Variants in FLT4 observed in about 807,000 individuals in gnomAD.
FLT4 encodes the protein fms related receptor tyrosine kinase 4.
A neutral mutation model predicts 163.2 loss-of-function variants in FLT4; 30 were observed. The observed-to-expected ratio is 0.18, with a 90% CI of 0.14 to 0.25. The LOEUF (loss-of-function observed/expected upper bound fraction) is 0.25, where lower values mean the gene tolerates loss of function less well. FLT4 is among the 10% of genes least tolerant of loss of function. FLT4 has a pLI of 1.00. For synonymous variants in FLT4, 884 were observed against 789.5 expected (o/e 1.12, Z -2.01); for missense variants, 1,510 against 1,863.8 (o/e 0.81, Z 3.50).
rs371428489 is a variant in FLT4 at position 180,628,850 on chromosome 5, C to T, written c.1103+32G>A. ...TTTGCCCCTGGACTTGGAAGGGTAT[C>T]GGCGGGGTCGGTGGGGAGCCAGGGC... On this transcript the variant is annotated intron_variant, in intron 8 of 29. Coordinates refer to ENST00000261937, the MANE Select transcript of FLT4 (RefSeq NM_182925.5). The T allele has an allele frequency of 1.9e-4, 273 of 1,433,188 alleles. No homozygotes were observed. The African/African-American group carries it at 2.3e-3, about 12-fold the overall frequency. 88.8% of individuals were successfully genotyped at this position (1,433,188 alleles called of 1,614,324 possible).
intron 1 of FLT4, among the ~76,000 whole-genome samples, chr5:180,640,203 G>A (rs970480701): frequency 2.0e-5 from 3 of 152,168 alleles, no homozygotes; most frequent in African/African-American, 7.2e-5. Context: ...AGCAGCGAGC[G>A]AGGTGGGGGG....
intron 18 of FLT4, 60 bp from the exon 19 acceptor site, chr5:180,619,426 C>CTGACCGCTTAGCTAAGGCACAG: frequency 7.2e-7 from 1 of 1,390,148 alleles, no homozygotes; most frequent in Non-Finnish European, 1.0e-6. Context: ...TTCCCCGCCA[C>CTGACCGCTTAGCTAAGGCACAG]CCGGCGCTTT....
chr5:180,604,173 G>A (rs1168290793), intron 29 of FLT4, among the ~76,000 whole-genome samples: 1 of 152,076 alleles, frequency 6.6e-6, no homozygotes, highest in Non-Finnish European at 1.5e-5. Flanking sequence ...CTGGAGCTCT[G>A]TCCCTACCTA....
In FLT4 at chr5:180,620,429, G is replaced by A. The variant is rs562745219; in HGVS notation, c.2407-121C>T. On this transcript the variant is annotated intron_variant, in intron 16 of 29. Coordinates refer to ENST00000261937, the MANE Select transcript of FLT4 (RefSeq NM_182925.5). This position sits in a 1 kb window ranked among gnomAD's most constrained non-coding sequence, Gnocchi z 4.4. ...CTGCGGGGTTCTCAGTCAAGGAGGG[G>A]ACAGAAAAAAAGACAGACAACCTCT... 84 of 1,385,234 alleles carry A rather than the reference G, an allele frequency of 6.1e-5. No individual in the cohort carries two copies. Among genetic ancestry groups the A allele is most frequent in the Non-Finnish European group, 8.1e-5 (80 of 984,172 alleles). The allele number at this position is 1,385,234 out of a possible 1,614,324, so 85.8% of individuals were successfully genotyped here.
chr5:180,627,749 C>T (rs1561733258), intron 8 of FLT4, among the ~76,000 whole-genome samples: 3 of 152,144 alleles, frequency 2.0e-5, no homozygotes, highest in African/African-American at 7.2e-5. Context: ...GCCACCTGCC[C>T]AGAGCAGGCT....
In FLT4 at chr5:180,620,095, G is replaced by C. The variant is rs1581644841; in HGVS notation, c.2542+78C>G. On this transcript the variant is annotated intron_variant, in intron 17 of 29. Transcript: ENST00000261937. The surrounding 1 kb of genome is among the most constrained non-coding windows in gnomAD (Gnocchi z 4.4). ...CTTCCTGGTGCAAGTTTTGAAAATG[G>C]AGGGATTCAGGCACTCCGGCCTGCA... The C allele has an allele frequency of 6.6e-6, 10 of 1,524,874 alleles. No homozygotes were observed. In the Admixed American group the frequency reaches 9.1e-5, roughly 14 times the overall value. The allele number at this position is 1,524,874 out of a possible 1,614,324, so 94.5% of individuals were successfully genotyped here. A position where few individuals can be genotyped will look rare whatever the true frequency, so the allele number is the denominator to read the frequency against.
At chr5:180,605,702 C>T (rs1226740829) in intron 29 of FLT4, among the ~76,000 whole-genome samples, 3 of 152,218 alleles carry the variant, frequency 2.0e-5, no homozygotes, top group East Asian at 3.9e-4. Context: ...TCATACACGT[C>T]CCGTATCATC....
At chr5:180,613,942 C>T (rs1366862558) in intron 24 of FLT4, 126 bp downstream of exon 24, 2 of 756,974 alleles carry the variant, frequency 2.6e-6, no homozygotes, top group South Asian at 1.4e-5. Context: ...CCACAAACCA[C>T]CTGCTTCAGA....
intron 1 of FLT4, among the ~76,000 whole-genome samples, chr5:180,637,905 T>C (rs1764808590): frequency 6.6e-6 from 1 of 152,060 alleles, no homozygotes; most frequent in African/African-American, 2.4e-5. Context: ...CCTTTTCCTA[T>C]CCCCCTTCAT....
intron 23 of FLT4, among the ~76,000 whole-genome samples, chr5:180,614,563 C>T (rs1762487523): frequency 1.3e-5 from 2 of 152,104 alleles, no homozygotes; most frequent in Admixed American, 1.3e-4. Flanking sequence ...GCTCTGTCCA[C>T]TCACTGTCCC....
At chr5:180,608,298 G>A (rs901931706) in intron 29 of FLT4, 1 of 700,814 alleles carries the variant, frequency 1.4e-6, no homozygotes, top group Non-Finnish European at 2.6e-6. Flanking sequence ...AGAGGGAAGG[G>A]CCCCGTCCCA....
intron 29 of FLT4, among the ~76,000 whole-genome samples, chr5:180,607,298 G>C (rs2127785455): frequency 6.6e-6 from 1 of 152,284 alleles, no homozygotes; most frequent in East Asian, 1.9e-4. Context: ...GGATCACCCA[G>C]GTGCTGAGGC....
chr5:180,608,771 C>T lies in FLT4; in HGVS notation c.3893+197G>A, dbSNP rs148260607. On this transcript the variant is annotated intron_variant, in intron 29 of 29. Coordinates refer to ENST00000261937, the MANE Select transcript of FLT4 (RefSeq NM_182925.5). ...TCGGGACCAGCGCCCACGTGGCCAG[C>T]ATGTGACAGGGAGGGGCTCCCGCGG... is the stretch of plus-strand genomic sequence containing the variant. Among the ~76,000 whole-genome samples the T allele has an allele frequency of 2.2e-3, 332 of 152,286 alleles. 3 individuals carry two copies. The highest frequency in any genetic ancestry group is 5.8e-3 in the South Asian group (28 of 4,818).
chr5:180,614,637 G>A (rs384861), intron 23 of FLT4, among the ~76,000 whole-genome samples: 142,639 of 152,094 alleles, frequency 0.94, 67,407 homozygotes, highest in Non-Finnish European at 1. Context: ...CATCTCCGCC[G>A]CCGGCTGTCT....
chr5:180,615,442 GCCC>G (rs1762592768), intron 23 of FLT4, among the ~76,000 whole-genome samples: 1 of 10,162 alleles, frequency 9.8e-5, no homozygotes, highest in Non-Finnish European at 2.6e-4. Flanking sequence ...GGAGCACTGG[GCCC>G]GCCGGTCACC....
In FLT4 at chr5:180,603,146, T is replaced by G. The variant is rs776319807; in HGVS notation, c.*46A>C. The G allele has an allele frequency of 4.3e-5, 68 of 1,596,942 alleles. No homozygotes were observed. The highest frequency in any genetic ancestry group is 5.3e-5 in the Non-Finnish European group (62 of 1,166,372). On this transcript the variant is annotated 3_prime_UTR_variant, in exon 30 of 30. Coordinates refer to ENST00000261937, the MANE Select transcript of FLT4 (RefSeq NM_182925.5). ...TGGGCCTCCAGCCCTCTGCCCGCCC[T>G]GCCGGGCCTGAACCCCCAAGTGCTG...
chr5:180,630,171 T>C lies in FLT4; in HGVS notation c.513+54A>G. ...GCTCCTGGCCAGACAGGCGGCCGCC[T>C]TTCCCAGGGGTGGGATGGGAGGGTC... On this transcript the variant is annotated intron_variant, in intron 4 of 29. Transcript: ENST00000261937. This position sits in a 1 kb window ranked among gnomAD's most constrained non-coding sequence, Gnocchi z 6.3. 6.2e-7 allele frequency: 1 copy of C among 1,609,474 alleles called. No homozygotes were observed. Among genetic ancestry groups the C allele is most frequent in the Admixed American group, 1.7e-5 (1 of 59,936 alleles).
At position 180,621,143 on chromosome 5, in the gene FLT4, C is replaced by G; in HGVS notation, c.2130G>C (p.Val710=). 1 of 1,612,856 alleles carries G rather than the reference C, an allele frequency of 6.2e-7. No homozygotes were observed. Among genetic ancestry groups the G allele is most frequent in the Non-Finnish European group, 8.5e-7 (1 of 1,180,000 alleles). The stretch of plus-strand genomic sequence containing the variant: ...CCAGCAGCCTCTCGTCTTTGTACCA[C>G]ACGATGCTGGGCGCGTGCGCTCCGG... ...LVAGAHAPSI[V]WYKDERLLEE... Residue 710 remains valine, a synonymous_variant, in exon 14 of 30, where the codon GTG becomes GTC. Coordinates refer to ENST00000261937, the MANE Select transcript of FLT4 (RefSeq NM_182925.5).
chr5:180,607,596 G>A (rs541069129), intron 29 of FLT4, among the ~76,000 whole-genome samples: 9 of 149,480 alleles, frequency 6.0e-5, no homozygotes, highest in Admixed American at 4.0e-4. Context: ...AGCAGAGATC[G>A]CACCACTGCA....
Sources: allele counts gnomAD v4.1 joint callset (sites outside exome capture counted in the v4.1 genomes callset), GRCh38; gene constraint gnomAD v4.1.1; non-coding constraint Gnocchi (gnomAD v3.1); transcripts MANE v1.5; gene names NCBI Gene and HGNC (gene_info 2026-07-23, HGNC 2026-07-21).